The following SIPA1L3 variants were observed in gnomAD, a reference collection of about 807,000 sequenced individuals.
The protein encoded by SIPA1L3 is signal induced proliferation associated 1 like 3.
SIPA1L3 carries 59 observed loss-of-function variants against 150.1 expected under a neutral mutation model. The observed-to-expected ratio is 0.39, with a 90% confidence interval of 0.32 to 0.49. The LOEUF (loss-of-function observed/expected upper bound fraction) is 0.49, where lower values mean the gene tolerates loss of function less well. SIPA1L3 is among the 20% of genes least tolerant of loss of function. The pLI is 0.86. For missense variants in SIPA1L3, 2,211 were observed against 2,489.5 expected (o/e 0.89, Z 2.38); for synonymous variants, 1,070 against 1,077.6 (o/e 0.99, Z 0.14).
intron 6 of SIPA1L3, among the ~76,000 whole-genome samples, chr19:38,105,323 C>A (rs561268647): frequency 5.5e-4 from 83 of 151,924 alleles, no homozygotes; most frequent in African/African-American, 2.0e-3. Context: ...CCACATTGCG[C>A]CATTGCTCTC....
Position 37,916,486 on chromosome 19 carries a change from CTG to C in SIPA1L3, c.-379+9132_-379+9133del, listed in dbSNP as rs1200547658. On this transcript the variant is annotated intron_variant, in intron 1 of 21. Transcript: ENST00000222345. Reference sequence around the variant, plus strand: ...TACAGTGAGCTATGATCACACCACTCTGTGTCTAAAAAAAAAAAAAAAAAAAA... The same window carrying C: ...TACAGTGAGCTATGATCACACCACTCTGTCTAAAAAAAAAAAAAAAAAAAA... 1.1e-4 allele frequency among the ~76,000 whole-genome samples: 16 copies of C among 139,924 alleles called. No homozygotes were observed. In the East Asian group the frequency reaches 3.4e-3, roughly 29 times the overall value. 91.8% of individuals were successfully genotyped at this position (139,924 alleles called of 152,430 possible). A position where few individuals can be genotyped will look rare whatever the true frequency, so the allele number is the denominator to read the frequency against.
chr19:38,177,984 C>T (rs1337654191), intron 15 of SIPA1L3, among the ~76,000 whole-genome samples: 2 of 152,102 alleles, frequency 1.3e-5, no homozygotes, highest in South Asian at 2.1e-4. Context: ...GCCGAGATCA[C>T]ACCACTGCAC....
intron 2 of SIPA1L3, among the ~76,000 whole-genome samples, chr19:38,070,531 A>G (rs1043562146): frequency 6.6e-6 from 1 of 152,164 alleles, no homozygotes; most frequent in Non-Finnish European, 1.5e-5. Flanking sequence ...GTAGAAATAG[A>G]TTGAGTAAAT....
At chr19:37,959,744 T>C (rs2145570537) in intron 1 of SIPA1L3, among the ~76,000 whole-genome samples, 1 of 152,302 alleles carries the variant, frequency 6.6e-6, no homozygotes, top group South Asian at 2.1e-4. Flanking sequence ...TATTCTCCCT[T>C]TATTGCCGTC....
At chr19:38,102,967 A>T (rs896886718) in intron 6 of SIPA1L3, among the ~76,000 whole-genome samples, 1 of 151,426 alleles carries the variant, frequency 6.6e-6, no homozygotes, top group African/African-American at 2.4e-5. Context: ...TCTACTAAAA[A>T]TACAAAAAAA....
In SIPA1L3 at chr19:37,942,611, C is replaced by T. The variant is rs549724686; in HGVS notation, c.-379+35253C>T. On this transcript the variant is annotated intron_variant, in intron 1 of 21. Coordinates refer to ENST00000222345, the MANE Select transcript of SIPA1L3 (RefSeq NM_015073.3). The stretch of plus-strand genomic sequence containing the variant: ...TTGATTCAGAGTGTCCTCCCATGCC[C>T]TCTGGCTACGGCGTGGAGCATAGAT... 9.9e-5 allele frequency among the ~76,000 whole-genome samples: 15 copies of T among 151,922 alleles called. No homozygotes were observed. The East Asian group carries it at 2.9e-3, about 30-fold the overall frequency.
intron 1 of SIPA1L3, among the ~76,000 whole-genome samples, chr19:38,022,081 C>T (rs1259490093): frequency 6.6e-6 from 1 of 152,208 alleles, no homozygotes; most frequent in East Asian, 1.9e-4. Flanking sequence ...TTAGTAGGCA[C>T]CATTGTTGGT....
At chr19:37,956,114 T>A (rs1294165636) in intron 1 of SIPA1L3, among the ~76,000 whole-genome samples, 1 of 152,192 alleles carries the variant, frequency 6.6e-6, no homozygotes, top group Non-Finnish European at 1.5e-5. Context: ...TTCAGCCTCC[T>A]GAATAGTTGG....
At position 38,207,419 on chromosome 19, in the gene SIPA1L3, G is replaced by T. The variant is rs1973243962; in HGVS notation, c.*1179G>T. 7.0e-6 allele frequency: 1 copy of T among 143,882 alleles called. No homozygotes were observed. The highest frequency in any genetic ancestry group is 1.5e-5 in the Non-Finnish European group (1 of 65,740). 8.9% of individuals were successfully genotyped at this position (143,882 alleles called of 1,614,324 possible). On this transcript the variant is annotated 3_prime_UTR_variant, in exon 22 of 22. Transcript: ENST00000222345. Reference sequence around the variant, plus strand: ...TTTTTTCCTTCTTTAAAAGCAAACAGAAAAAGATATATATATATATATATA... The same window carrying T: ...TTTTTTCCTTCTTTAAAAGCAAACATAAAAAGATATATATATATATATATA...
intron 2 of SIPA1L3, among the ~76,000 whole-genome samples, chr19:38,072,538 G>A (rs1600006120): frequency 6.6e-6 from 1 of 152,356 alleles, no homozygotes; most frequent in African/African-American, 2.4e-5. Flanking sequence ...TTACGAGACA[G>A]CTGCAGCGAC....
At chr19:37,926,848 A>G (rs2046508002) in intron 1 of SIPA1L3, among the ~76,000 whole-genome samples, 1 of 152,172 alleles carries the variant, frequency 6.6e-6, no homozygotes, top group African/African-American at 2.4e-5. Context: ...CAATGTATGT[A>G]GCGTCTGCTG....
At chr19:38,055,982 GC>G in intron 2 of SIPA1L3, among the ~76,000 whole-genome samples, 1 of 152,206 alleles carries the variant, frequency 6.6e-6, no homozygotes, top group Non-Finnish European at 1.5e-5. Flanking sequence ...CAAACATACT[GC>G]CCTGAGACGG....
chr19:37,997,461 G>C (rs765659472), intron 1 of SIPA1L3, among the ~76,000 whole-genome samples: 1 of 151,362 alleles, frequency 6.6e-6, no homozygotes, highest in Non-Finnish European at 1.5e-5. Flanking sequence ...TCAGCTACTC[G>C]GGAGGCTGAG....
At chr19:38,078,573 G>GAGACACGCACACACACAC (rs1969907115) in intron 2 of SIPA1L3, among the ~76,000 whole-genome samples, 1 of 144,098 alleles carries the variant, frequency 6.9e-6, no homozygotes, top group Non-Finnish European at 1.5e-5. Context: ...GACATACACA[G>GAGACACGCACACACACAC]AGACACGCAC....
chr19:38,089,661 G>A (rs1970218874), intron 4 of SIPA1L3, among the ~76,000 whole-genome samples: 1 of 152,266 alleles, frequency 6.6e-6, no homozygotes, highest in African/African-American at 2.4e-5. Context: ...GAGTAGAGAA[G>A]CCCATGGTCC....
chr19:38,172,409 G>C (rs915115784), intron 15 of SIPA1L3, among the ~76,000 whole-genome samples: 4 of 152,218 alleles, frequency 2.6e-5, no homozygotes, highest in African/African-American at 9.7e-5. Context: ...TTATGGAGCT[G>C]TCATTCTCCT....
intron 7 of SIPA1L3, chr19:38,109,916 A>G (rs1253640145): frequency 9.8e-6 from 3 of 307,222 alleles, no homozygotes; most frequent in Non-Finnish European, 1.9e-5. Context: ...TGGGAGGGTG[A>G]GGTTTATGCA....
intron 1 of SIPA1L3, among the ~76,000 whole-genome samples, chr19:37,912,964 G>A (rs1220579108): frequency 1.3e-5 from 2 of 152,214 alleles, no homozygotes; most frequent in African/African-American, 4.8e-5. Flanking sequence ...ACAGTGGGTG[G>A]TGGGGGTGAG....
chr19:38,156,327 A>T (rs1167978558), intron 13 of SIPA1L3, among the ~76,000 whole-genome samples: 1 of 151,172 alleles, frequency 6.6e-6, no homozygotes, highest in Non-Finnish European at 1.5e-5. Context: ...TTCATTACAC[A>T]CCAAAGTACA....
Sources: gnomAD v4.1 joint callset for allele counts (sites outside exome capture counted in the v4.1 genomes callset) on GRCh38, gnomAD v4.1.1 for gene constraint, MANE v1.5 for transcripts, NCBI Gene and HGNC (gene_info 2026-07-23, HGNC 2026-07-21) for gene names.